Variants in DENND2A observed in about 807,000 individuals in gnomAD.
DENND2A encodes the protein DENN domain containing 2A.
In DENND2A, 53 loss-of-function variants were observed where a neutral mutation model predicts 105.3. The ratio of observed to expected loss-of-function variants is 0.50; its 90% CI spans 0.40 to 0.63. DENND2A has a LOEUF of 0.63. Ranked by LOEUF, DENND2A falls within the 30% of genes least tolerant of loss-of-function variation. DENND2A has a pLI of 0.00. For synonymous variants in DENND2A, 522 were observed against 508.4 expected (o/e 1.03, Z -0.36); for missense variants, 1,138 against 1,279.6 (o/e 0.89, Z 1.69).
rs1413256883 is a variant in DENND2A at position 140,605,697 on chromosome 7, G to A, written c.-146+8C>T. On this transcript the variant is annotated splice_region_variant and intron_variant, in intron 2 of 19. Transcript: ENST00000496613. ...GCGTCTACACTCTCGGGGGAGAAGT[G>A]TTCTTACTTGTCAGCCAATTTGTAG... 1 of 152,316 alleles carries A rather than the reference G, an allele frequency of 6.6e-6. No individual in the cohort carries two copies. The highest frequency in any genetic ancestry group is 2.4e-5 in the African/African-American group (1 of 41,450). The allele number at this position is 152,316 out of a possible 1,614,324, so 9.4% of individuals were successfully genotyped here.
In DENND2A at chr7:140,527,052, T is replaced by C. The variant is rs1796081220; in HGVS notation, c.2505+266A>G. Reference sequence around the variant, plus strand: ...TTAATGACTTAAGAGTTTTGACATCTGGCTAAATTGTTCATTGCTGACCTT... The same window carrying C: ...TTAATGACTTAAGAGTTTTGACATCCGGCTAAATTGTTCATTGCTGACCTT... On this transcript the variant is annotated intron_variant, in intron 15 of 19. Coordinates refer to ENST00000496613, the MANE Select transcript of DENND2A (RefSeq NM_015689.5). This position sits in a 1 kb window ranked among gnomAD's most constrained non-coding sequence, Gnocchi z 4.9. Among the ~76,000 whole-genome samples, 1 of 152,206 alleles carries C rather than the reference T, an allele frequency of 6.6e-6. No homozygotes were observed. Among genetic ancestry groups the C allele is most frequent in the Admixed American group, 6.5e-5 (1 of 15,270 alleles).
In DENND2A at chr7:140,583,742, T is replaced by C. The variant is rs539931873; in HGVS notation, c.1245+1847A>G. ...CAGGAGATCGAGACCATCCTGTGAA[T>C]GGTGAAACCCCGTCTCTACTAAAAA... On this transcript the variant is annotated intron_variant, in intron 5 of 19. Coordinates refer to ENST00000496613, the MANE Select transcript of DENND2A (RefSeq NM_015689.5). Among the ~76,000 whole-genome samples, 412 of 146,660 alleles carry C rather than the reference T, an allele frequency of 2.8e-3. 5 individuals carry two copies. The highest frequency in any genetic ancestry group is 3.2e-3 in the Non-Finnish European group (213 of 67,602).
At chr7:140,630,740 A>G (rs1217174986) in intron 1 of DENND2A, among the ~76,000 whole-genome samples, 1 of 152,200 alleles carries the variant, frequency 6.6e-6, no homozygotes, top group Non-Finnish European at 1.5e-5. Flanking sequence ...ACACACCTGT[A>G]ATTTCAGCTA....
rs765433912 is a variant in DENND2A at position 140,573,882 on chromosome 7, G to A, written c.1372C>T (p.Pro458Ser). 3 of 1,614,170 alleles carry A rather than the reference G, an allele frequency of 1.9e-6. No individual in the cohort carries two copies. The highest frequency in any genetic ancestry group is 2.5e-6 in the Non-Finnish European group (3 of 1,180,038). ...AAGAAAATGTCATCAGGGCTGCTGG[G>A]AGTGGAGGGAGGGCTGATTTTGGAA... Reference protein sequence around the residue: ...SPSKISPPSTPSSPDDIFFNL... With the variant: ...SPSKISPPSTSSSPDDIFFNL... Residue 458 changes from proline (P) to serine (S), a missense_variant, in exon 6 of 20, where the codon CCC (proline) becomes TCC (serine). Physicochemically the swap from Pro to Ser is moderately conservative, Grantham distance 74. This residue lies in a region of DENND2A where 627 missense variants were observed against 779.8 expected (regional missense o/e 0.80). Coordinates refer to ENST00000496613, the MANE Select transcript of DENND2A (RefSeq NM_015689.5).
chr7:140,522,037 A>G lies in DENND2A; in HGVS notation c.2729T>C (p.Ile910Thr), dbSNP rs185448935. 3.6e-4 allele frequency: 584 copies of G among 1,614,166 alleles called. No individual in the cohort carries two copies. The African/African-American group carries it at 7.1e-3, about 20-fold the overall frequency. The change falls in exon 18 of 20, where the codon ATT becomes ACT. Residue 910 changes from isoleucine to threonine, a missense_variant. Physicochemically the swap from Ile to Thr is moderately conservative, Grantham distance 89. Around this residue, in one of 2 missense-constraint regions of DENND2A, gnomAD observed 627 missense variants for 779.8 expected, o/e 0.80. Coordinates refer to ENST00000496613, the MANE Select transcript of DENND2A (RefSeq NM_015689.5). The stretch of plus-strand genomic sequence containing the variant: ...CAGGAACAAAGAGTAGTGTCCCACA[A>G]TCTCCACGAAGAAGCGGACAAAGGC... ...SEAFVRFFVE[I>T]VGHYSLFLTS...
At chr7:140,573,712 G>T in intron 6 of DENND2A, 96 bp downstream of exon 6, 1 of 1,362,654 alleles carries the variant, frequency 7.3e-7, no homozygotes, top group Non-Finnish European at 1.0e-6. Context: ...TGGGAGAGGG[G>T]CCAGTGATGT....
chr7:140,625,018 C>T (rs944693970), intron 1 of DENND2A, among the ~76,000 whole-genome samples: 4 of 151,860 alleles, frequency 2.6e-5, no homozygotes, highest in African/African-American at 9.7e-5. Context: ...CCACCACGCC[C>T]AGCCTGGAGA....
intron 1 of DENND2A, among the ~76,000 whole-genome samples, chr7:140,620,538 T>C (rs1484294717): frequency 6.6e-6 from 1 of 152,162 alleles, no homozygotes; most frequent in Non-Finnish European, 1.5e-5. Context: ...TTTTCTATTA[T>C]AAGCATATAT....
chr7:140,547,195 A>T (rs115256018), intron 12 of DENND2A, among the ~76,000 whole-genome samples: 2,771 of 152,200 alleles, frequency 0.018, 80 homozygotes, highest in African/African-American at 0.064. Flanking sequence ...TGCCCCTTTG[A>T]CCTAGGGTTT....
At chr7:140,631,002 C>A (rs1406227003) in intron 1 of DENND2A, among the ~76,000 whole-genome samples, 1 of 152,116 alleles carries the variant, frequency 6.6e-6, no homozygotes, top group African/African-American at 2.4e-5. Context: ...GTGGGACACC[C>A]TATTTACCAA....
At chr7:140,547,031 T>G (rs1371169183) in intron 12 of DENND2A, 92 bp from the exon 13 acceptor site, 1 of 1,488,922 alleles carries the variant, frequency 6.7e-7, no homozygotes, top group Non-Finnish European at 9.0e-7. Context: ...CCATGGTGAC[T>G]CAAGAATTAT....
At chr7:140,540,482 G>T (rs1796618756) in intron 14 of DENND2A, among the ~76,000 whole-genome samples, 1 of 152,242 alleles carries the variant, frequency 6.6e-6, no homozygotes, top group Admixed American at 6.5e-5. Flanking sequence ...CTCTGTTGAG[G>T]GGTCCCAGAG....
chr7:140,611,578 C>T (rs1799900254), intron 1 of DENND2A, among the ~76,000 whole-genome samples: 1 of 151,908 alleles, frequency 6.6e-6, no homozygotes, highest in Non-Finnish European at 1.5e-5. Context: ...AATGTGGAAG[C>T]GTTGGTCAAT....
chr7:140,533,807 C>A (rs1294005186), intron 14 of DENND2A, among the ~76,000 whole-genome samples: 2 of 152,168 alleles, frequency 1.3e-5, no homozygotes, highest in Non-Finnish European at 2.9e-5. Context: ...ACCTGGTTAT[C>A]ATGAATACCT....
At chr7:140,628,470 A>G (rs1004807074) in intron 1 of DENND2A, among the ~76,000 whole-genome samples, 17 of 151,500 alleles carry the variant, frequency 1.1e-4, no homozygotes, top group African/African-American at 4.1e-4. Context: ...ATGCCTGGAA[A>G]TGTGCTCATT....
chr7:140,525,804 G>A lies in DENND2A; in HGVS notation c.2506-12C>T. 1 of 1,595,206 alleles carries A rather than the reference G, an allele frequency of 6.3e-7. No homozygotes were observed. Among genetic ancestry groups the A allele is most frequent in the Non-Finnish European group, 8.5e-7 (1 of 1,170,206 alleles). ...TCAACCACAAGGACCTATGAGATGA[G>A]ACGAAAGGGACTGTTACTGTCACCA... On this transcript the variant is annotated splice_polypyrimidine_tract_variant and intron_variant, in intron 15 of 19. Transcript: ENST00000496613.
rs561608790 is a variant in DENND2A, at chr7:140,531,783, C to T, written c.2328-4288G>A. On this transcript the variant is annotated intron_variant, in intron 14 of 19. Coordinates refer to ENST00000496613, the MANE Select transcript of DENND2A (RefSeq NM_015689.5). ...TGAGCCGAGAATACGCCATTGCACCCCAGGCTGGGCAACAAACGCGAAACT... is the reference window on the plus strand; with the variant it reads ...TGAGCCGAGAATACGCCATTGCACCTCAGGCTGGGCAACAAACGCGAAACT... 4.7e-5 allele frequency among the ~76,000 whole-genome samples: 7 copies of T among 148,464 alleles called. No individual in the cohort carries two copies. The South Asian group carries it at 1.5e-3, about 33-fold the overall frequency.
At chr7:140,545,095 T>C (rs1796842405) in intron 13 of DENND2A, among the ~76,000 whole-genome samples, 1 of 152,052 alleles carries the variant, frequency 6.6e-6, no homozygotes, top group African/African-American at 2.4e-5. Flanking sequence ...GGCAACAGCA[T>C]ATCTGTACTC....
At chr7:140,622,943 C>T (rs1478515893) in intron 1 of DENND2A, among the ~76,000 whole-genome samples, 1 of 152,050 alleles carries the variant, frequency 6.6e-6, no homozygotes, top group Non-Finnish European at 1.5e-5. Flanking sequence ...GCTAAGTAAA[C>T]TAAAGCCCCC....
Sources: allele counts gnomAD v4.1 joint callset (sites outside exome capture counted in the v4.1 genomes callset), GRCh38; gene constraint gnomAD v4.1.1; regional missense constraint gnomAD v4.1.1; non-coding constraint Gnocchi (gnomAD v3.1); transcripts MANE v1.5; gene names NCBI Gene and HGNC (gene_info 2026-07-23, HGNC 2026-07-21).